The following CCDC3 variants were observed in gnomAD, a reference collection of about 807,000 sequenced individuals.
The protein encoded by CCDC3 is coiled-coil domain-containing protein 3.
A neutral mutation model predicts 21.4 loss-of-function variants in CCDC3; 24 were observed. That is an observed-to-expected ratio of 1.12 (90% confidence interval 0.81 to 1.58). The LOEUF (loss-of-function observed/expected upper bound fraction) is 1.58. Ranked by LOEUF, CCDC3 falls within the 40% of genes most tolerant of loss-of-function variation. The pLI, the probability that CCDC3 is intolerant of heterozygous loss-of-function variation, is 0.00. For missense variants in CCDC3, 425 were observed against 360.9 expected (o/e 1.18, Z -1.44); for synonymous variants, 186 against 166.0 (o/e 1.12, Z -0.93).
intron 2 of CCDC3, among the ~76,000 whole-genome samples, chr10:12,963,920 A>G (rs4750290): frequency 0.86 from 131,335 of 152,160 alleles, 57,841 homozygotes; most frequent in East Asian, 1. Context: ...TGTCTTTCAC[A>G]TGGCCATTAC....
In CCDC3 at chr10:13,089,906, T is replaced by C. The variant is rs118177765; in HGVS notation, c.-503+8619A>G. Among the ~76,000 whole-genome samples, 930 of 149,244 alleles carry C rather than the reference T, an allele frequency of 6.2e-3. 40 individuals carry two copies. The South Asian group carries it at 0.1, about 16-fold the overall frequency. ...GCCATTGCATCCTCACTGCTGTGAG[T>C]GAGAACATACGATGTTTGGTTTTCC... On this transcript the variant is annotated intron_variant, in intron 3 of 6. Transcript: ENST00000378839.
At chr10:13,028,473 G>A (rs1215109955) in intron 5 of CCDC3, among the ~76,000 whole-genome samples, 3 of 152,104 alleles carry the variant, frequency 2.0e-5, no homozygotes, top group South Asian at 2.1e-4. Flanking sequence ...TAGAAGAGGA[G>A]TGAACCAGAC....
chr10:12,954,573 G>C (rs1835055741), intron 2 of CCDC3, among the ~76,000 whole-genome samples: 1 of 152,152 alleles, frequency 6.6e-6, no homozygotes, highest in Admixed American at 6.6e-5. Context: ...AGGGAAGCTG[G>C]CATCACATGG....
intron 5 of CCDC3, among the ~76,000 whole-genome samples, chr10:13,032,341 C>G (rs906257562): frequency 2.0e-5 from 3 of 152,110 alleles, no homozygotes; most frequent in Non-Finnish European, 4.4e-5. Flanking sequence ...GGACGTATCT[C>G]AAAATAATAA....
intron 3 of CCDC3, among the ~76,000 whole-genome samples, chr10:13,086,795 C>G (rs1344168509): frequency 6.6e-6 from 1 of 152,168 alleles, no homozygotes; most frequent in African/African-American, 2.4e-5. Context: ...TCCTAGTTTT[C>G]AAATTTGTCA....
intron 5 of CCDC3, among the ~76,000 whole-genome samples, chr10:13,039,017 T>A (rs967229878): frequency 1.3e-5 from 2 of 152,150 alleles, no homozygotes; most frequent in Non-Finnish European, 2.9e-5. Context: ...CCAAGAGAAA[T>A]TCTTTGACAA....
chr10:13,092,363 G>A (rs1394791572), intron 3 of CCDC3, among the ~76,000 whole-genome samples: 2 of 152,138 alleles, frequency 1.3e-5, no homozygotes, highest in African/African-American at 2.4e-5. Context: ...CTCTGAAATC[G>A]TTGCAATGGG....
intron 5 of CCDC3, among the ~76,000 whole-genome samples, chr10:13,027,191 G>A (rs914806971): frequency 2.0e-5 from 3 of 152,148 alleles, no homozygotes; most frequent in African/African-American, 7.2e-5. Flanking sequence ...GTGAGCTTAG[G>A]TGAGGGTCAG....
At chr10:13,042,906 C>CAAAAAAAAAAA (rs55911312) in intron 5 of CCDC3, among the ~76,000 whole-genome samples, 28 of 100,358 alleles carry the variant, frequency 2.8e-4, no homozygotes, top group African/African-American at 3.8e-4. Flanking sequence ...GAGACTGTCT[C>CAAAAAAAAAAA]AAAAAAAAAA....
In CCDC3 at chr10:12,898,326, C is replaced by A; in HGVS notation, c.*90G>T. 3.0e-6 allele frequency: 4 copies of A among 1,346,534 alleles called. No individual in the cohort carries two copies. Among genetic ancestry groups the A allele is most frequent in the South Asian group, 2.9e-5 (2 of 68,598 alleles). 83.4% of individuals were successfully genotyped at this position (1,346,534 alleles called of 1,614,324 possible). A position where few individuals can be genotyped will look rare whatever the true frequency, so the allele number is the denominator to read the frequency against. On this transcript the variant is annotated 3_prime_UTR_variant, in exon 3 of 3. Transcript: ENST00000378825. ...GCGTGATTAAAAACAAAAACTCTTACAACCCTTGAAATAGCTGCATGTACG... is the reference window on the plus strand; with the variant it reads ...GCGTGATTAAAAACAAAAACTCTTAAAACCCTTGAAATAGCTGCATGTACG...
intron 2 of CCDC3, chr10:12,924,751 C>T (rs75948415): frequency 1.3e-5 from 2 of 152,136 alleles, no homozygotes; most frequent in South Asian, 2.1e-4. Context: ...CAAGATCTGA[C>T]GAGATCAGGT....
intron 2 of CCDC3, among the ~76,000 whole-genome samples, chr10:12,919,281 C>T (rs1834408234): frequency 6.6e-6 from 1 of 151,980 alleles, no homozygotes; most frequent in Admixed American, 6.6e-5. Flanking sequence ...ACATGCTTTG[C>T]TTGTGTAACT....
At chr10:13,037,524 A>G (rs1029914815) in intron 5 of CCDC3, among the ~76,000 whole-genome samples, 4 of 152,202 alleles carry the variant, frequency 2.6e-5, no homozygotes, top group Admixed American at 2.6e-4. Flanking sequence ...TAGAATCAGT[A>G]AAATTATCAT....
chr10:13,001,694 T>C lies in CCDC3; in HGVS notation c.-124A>G. 8.3e-6 allele frequency: 5 copies of C among 601,648 alleles called. No individual in the cohort carries two copies. Among genetic ancestry groups the C allele is most frequent in the Non-Finnish European group, 1.1e-5 (5 of 471,830 alleles). 37.3% of individuals were successfully genotyped at this position (601,648 alleles called of 1,614,324 possible). ...CCCGGGAGCTGAGCGCACCGCTGTC[T>C]CCGCCACGGGGCTCGGCATGCCCGG... On this transcript the variant is annotated 5_prime_UTR_variant, in exon 1 of 3. Coordinates refer to ENST00000378825, the MANE Select transcript of CCDC3 (RefSeq NM_031455.4).
At chr10:12,921,891 G>A (rs539558042) in intron 2 of CCDC3, among the ~76,000 whole-genome samples, 6 of 152,114 alleles carry the variant, frequency 3.9e-5, no homozygotes, top group Admixed American at 2.6e-4. Flanking sequence ...TACAGGTGTG[G>A]GCCACCATGC....
chr10:12,927,014 TTA>T (rs1024222525), intron 2 of CCDC3, among the ~76,000 whole-genome samples: 6 of 152,214 alleles, frequency 3.9e-5, no homozygotes, highest in Non-Finnish European at 8.8e-5. Flanking sequence ...GTTAACATTT[TTA>T]GAGTAGTATA....
chr10:12,929,519 GACA>G lies in CCDC3; in HGVS notation c.550-30843_550-30841del, dbSNP rs553863590. 1.4e-3 allele frequency among the ~76,000 whole-genome samples: 217 copies of G among 152,212 alleles called. 1 individual carries two copies. The highest frequency in any genetic ancestry group is 4.7e-3 in the African/African-American group (197 of 41,530). On this transcript the variant is annotated intron_variant, in intron 2 of 2. Coordinates refer to ENST00000378825, the MANE Select transcript of CCDC3 (RefSeq NM_031455.4). The stretch of plus-strand genomic sequence containing the variant: ...TGAAGGGCAATTCCTCCTTTTGATA[GACA>G]ACACCCTGCAAACCCAGATATGGGT...
At chr10:12,926,365 T>A (rs771292750) in intron 2 of CCDC3, among the ~76,000 whole-genome samples, 1 of 152,174 alleles carries the variant, frequency 6.6e-6, no homozygotes, top group Non-Finnish European at 1.5e-5. Context: ...TGGCAGGCAA[T>A]AGGGGCCTTA....
At position 13,093,255 on chromosome 10, in the gene CCDC3, C is replaced by T. The variant is rs144155240; in HGVS notation, c.-503+5270G>A. On this transcript the variant is annotated intron_variant, in intron 3 of 6. Transcript: ENST00000378839. ...AAGGCGAAAAGCACATCTTACATGGCGGCAGGCAAGAGAGAGAATGAGAAC... is the reference window on the plus strand; with the variant it reads ...AAGGCGAAAAGCACATCTTACATGGTGGCAGGCAAGAGAGAGAATGAGAAC... Among the ~76,000 whole-genome samples the T allele has an allele frequency of 1.1e-3, 165 of 152,152 alleles. 2 individuals carry two copies. The highest frequency in any genetic ancestry group is 1.9e-3 in the East Asian group (10 of 5,182).
Sources: gnomAD v4.1 joint callset for allele counts (sites outside exome capture counted in the v4.1 genomes callset) on GRCh38, gnomAD v4.1.1 for gene constraint, MANE v1.5 for transcripts, NCBI Gene and HGNC (gene_info 2026-07-23, HGNC 2026-07-21) for gene names.